ACTN1: variants seen among roughly 807,000 people sequenced by gnomAD.
ACTN1 encodes alpha-actinin-1.
ACTN1 carries 30 observed loss-of-function variants against 119.6 expected under a neutral mutation model. The ratio of observed to expected loss-of-function variants is 0.25; its 90% CI spans 0.19 to 0.34. The LOEUF (loss-of-function observed/expected upper bound fraction) is 0.34, where lower values mean the gene tolerates loss of function less well. Ranked by LOEUF, ACTN1 falls within the 10% of genes least tolerant of loss-of-function variation. The pLI, the probability that ACTN1 is intolerant of heterozygous loss-of-function variation, is 1.00. For synonymous variants in ACTN1, 429 were observed against 472.6 expected, an observed-to-expected ratio of 0.91 and a Z score of 1.20; for missense variants, 764 against 1,223.4, an observed-to-expected ratio of 0.62 and a Z score of 5.60.
At chr14:68,966,916 T>C (rs1444355677) in intron 1 of ACTN1, among the ~76,000 whole-genome samples, 1 of 152,156 alleles carries the variant, frequency 6.6e-6, no homozygotes, top group Admixed American at 6.5e-5. Context: ...AGGGGCAGGA[T>C]GAAGAGGGAC....
chr14:68,937,038 G>A (rs1381064286), intron 1 of ACTN1, among the ~76,000 whole-genome samples: 1 of 151,978 alleles, frequency 6.6e-6, no homozygotes, highest in Non-Finnish European at 1.5e-5. Context: ...TTGGATTCTC[G>A]CTCTTGTATG....
chr14:68,946,610 G>A (rs1191626462), intron 1 of ACTN1, among the ~76,000 whole-genome samples: 2 of 152,092 alleles, frequency 1.3e-5, no homozygotes, highest in African/African-American at 4.8e-5. Flanking sequence ...CCGCGCCTAC[G>A]CTCTGACACC....
At chr14:68,887,824 G>A (rs7145390) in intron 11 of ACTN1, 57,216 of 850,806 alleles carry the variant, frequency 0.067, 2,709 homozygotes, top group African/African-American at 0.13. Flanking sequence ...CTTCATCAGA[G>A]GCTGGACTCT....
At chr14:68,977,944 G>A (rs11628773) in intron 1 of ACTN1, 42,193 of 455,910 alleles carry the variant, frequency 0.093, 2,635 homozygotes, top group Non-Finnish European at 0.13. Flanking sequence ...GGGGGCACAG[G>A]CTCACCGCGC....
chr14:68,899,941 A>G (rs752378741), intron 8 of ACTN1, among the ~76,000 whole-genome samples: 3 of 152,186 alleles, frequency 2.0e-5, no homozygotes, highest in Non-Finnish European at 2.9e-5. Context: ...GCGAGGGGCC[A>G]GGGGAGGGGC....
rs374597910 is a variant in ACTN1 at position 68,959,792 on chromosome 14, A to G, written c.105+19160T>C. 1.6e-4 allele frequency among the ~76,000 whole-genome samples: 25 copies of G among 152,306 alleles called. No individual in the cohort carries two copies. The East Asian group carries it at 4.8e-3, about 29-fold the overall frequency. ...TAGTTACTATTTCTAATAATCCTAC[A>G]GTTGAGTCCCCAGAACATGTGGGTA... On this transcript the variant is annotated intron_variant, in intron 1 of 21. Coordinates refer to ENST00000394419, the MANE Select transcript of ACTN1 (RefSeq NM_001130004.2).
chr14:68,898,957 CCACA>C (rs923924770), intron 8 of ACTN1, among the ~76,000 whole-genome samples: 10 of 149,506 alleles, frequency 6.7e-5, no homozygotes, highest in Non-Finnish European at 1.5e-4. Context: ...CCCCTTCACT[CCACA>C]CACACACACC....
chr14:68,966,071 T>C (rs979894298), intron 1 of ACTN1, among the ~76,000 whole-genome samples: 2 of 151,860 alleles, frequency 1.3e-5, no homozygotes, highest in Non-Finnish European at 2.9e-5. Context: ...AATAAAATTA[T>C]CTGGGCATGA....
At chr14:68,904,011 G>C (rs2033510835) in intron 7 of ACTN1, among the ~76,000 whole-genome samples, 1 of 152,156 alleles carries the variant, frequency 6.6e-6, no homozygotes, top group Non-Finnish European at 1.5e-5. Flanking sequence ...GTGAGGAACA[G>C]AAAAGTCAAC....
In ACTN1 at chr14:68,878,233, GCA is replaced by G; in HGVS notation, c.2427+223_2427+224del. 2 of 519,822 alleles carry G rather than the reference GCA, an allele frequency of 3.8e-6. No homozygotes were observed. The highest frequency in any genetic ancestry group is 6.6e-6 in the Non-Finnish European group (2 of 301,582). The allele number at this position is 519,822 out of a possible 1,614,324, so 32.2% of individuals were successfully genotyped here. On this transcript the variant is annotated intron_variant, in intron 20 of 21. Transcript: ENST00000394419. This position sits in a 1 kb window ranked among gnomAD's most constrained non-coding sequence, Gnocchi z 4.4. ...GTGAGAAGTACCAGAAGATGAAGTG[GCA>G]CAGAGATTGAGGCGAGGAGGTCAGG...
At position 68,879,809 on chromosome 14, in the gene ACTN1, G is replaced by C; in HGVS notation, c.2280+153C>G. ...ACACAGGTTTTCCAAGGCTGGTTTTGCAGGGTGCATTGAGTCAGGGCAGGC... is the reference window on the plus strand; with the variant it reads ...ACACAGGTTTTCCAAGGCTGGTTTTCCAGGGTGCATTGAGTCAGGGCAGGC... On this transcript the variant is annotated intron_variant, in intron 18 of 21. Coordinates refer to ENST00000394419, the MANE Select transcript of ACTN1 (RefSeq NM_001130004.2). The surrounding 1 kb of genome is among the most constrained non-coding windows in gnomAD (Gnocchi z 4.9). 1.8e-6 allele frequency: 2 copies of C among 1,084,542 alleles called. No individual in the cohort carries two copies. Among genetic ancestry groups the C allele is most frequent in the Non-Finnish European group, 2.6e-6 (2 of 771,658 alleles). 67.2% of individuals were successfully genotyped at this position (1,084,542 alleles called of 1,614,324 possible).
In ACTN1 at chr14:68,880,330, G is replaced by T. The variant is rs532743673; in HGVS notation, c.2134-222C>A. On this transcript the variant is annotated intron_variant, in intron 17 of 21. Transcript: ENST00000394419. This position sits in a 1 kb window ranked among gnomAD's most constrained non-coding sequence, Gnocchi z 4.6. The stretch of plus-strand genomic sequence containing the variant: ...GCAGGGTGGCAGCCTCTGCCTGGGA[G>T]AGCAAAGAAACCAGGACTTGCCAAT... Among the ~76,000 whole-genome samples, 16 of 152,192 alleles carry T rather than the reference G, an allele frequency of 1.1e-4. No homozygotes were observed. Among genetic ancestry groups the T allele is most frequent in the Non-Finnish European group, 2.1e-4 (14 of 68,028 alleles).
chr14:68,894,789 G>A lies in ACTN1; in HGVS notation c.763-1042C>T, dbSNP rs1294518515. Among the ~76,000 whole-genome samples, 3 of 152,142 alleles carry A rather than the reference G, an allele frequency of 2.0e-5. No individual in the cohort carries two copies. In the East Asian group the frequency reaches 5.8e-4, roughly 29 times the overall value. On this transcript the variant is annotated intron_variant, in intron 8 of 21. Coordinates refer to ENST00000394419, the MANE Select transcript of ACTN1 (RefSeq NM_001130004.2). ...GCCCTGCAGATGAAAAATGATCCCT[G>A]GATTAACAGGTTGAAAGACAGGACC... is the stretch of plus-strand genomic sequence containing the variant.
intron 1 of ACTN1, chr14:68,936,970 A>T: frequency 2.3e-6 from 1 of 429,106 alleles, no homozygotes. Flanking sequence ...TATTGTACTC[A>T]CCTCTGATGT....
At chr14:68,936,785 G>A in intron 1 of ACTN1, 3 of 611,354 alleles carry the variant, frequency 4.9e-6, no homozygotes, top group South Asian at 1.4e-5. Flanking sequence ...AGGAATGGCT[G>A]AAGGACACTT....
intron 16 of ACTN1, among the ~76,000 whole-genome samples, chr14:68,881,530 G>T (rs1027645067): frequency 1.3e-5 from 2 of 152,178 alleles, no homozygotes; most frequent in Non-Finnish European, 2.9e-5. Context: ...ACCATTGTTT[G>T]TGAAAGCACT....
intron 1 of ACTN1, among the ~76,000 whole-genome samples, chr14:68,954,828 C>T (rs539946236): frequency 6.6e-6 from 1 of 152,350 alleles, no homozygotes; most frequent in Admixed American, 6.5e-5. Flanking sequence ...CTATTAGAAC[C>T]TTGCCCTGGT....
chr14:68,910,900 T>C (rs1168143895), intron 4 of ACTN1, among the ~76,000 whole-genome samples: 1 of 152,234 alleles, frequency 6.6e-6, no homozygotes, highest in Non-Finnish European at 1.5e-5. Flanking sequence ...TTGCTCTCCC[T>C]TGCTCTTCTG....
chr14:68,951,694 G>C (rs1461112475), intron 1 of ACTN1, among the ~76,000 whole-genome samples: 1 of 152,228 alleles, frequency 6.6e-6, no homozygotes, highest in African/African-American at 2.4e-5. Context: ...AGGAAGGCCT[G>C]GAGAAGACTG....
Sources: allele counts gnomAD v4.1 joint callset (sites outside exome capture counted in the v4.1 genomes callset), GRCh38; gene constraint gnomAD v4.1.1; non-coding constraint Gnocchi (gnomAD v3.1); transcripts MANE v1.5; gene names NCBI Gene and HGNC (gene_info 2026-07-23, HGNC 2026-07-21).